Variants in KCNIP4 observed in about 807,000 individuals in gnomAD.
KCNIP4 encodes potassium voltage-gated channel interacting protein 4.
KCNIP4 carries 12 observed loss-of-function variants against 34.0 expected under a neutral mutation model. The ratio of observed to expected loss-of-function variants is 0.35; its 90% CI spans 0.23 to 0.57. KCNIP4 has a LOEUF of 0.57. Ranked by LOEUF, KCNIP4 falls within the 20% of genes least tolerant of loss-of-function variation. The pLI is 0.83. For synonymous variants in KCNIP4, 124 were observed against 102.2 expected, an observed-to-expected ratio of 1.21 and a Z score of -1.29; for missense variants, 238 against 311.7, an observed-to-expected ratio of 0.76 and a Z score of 1.78.
chr4:21,554,866 A>G (rs1738867411), intron 1 of KCNIP4, among the ~76,000 whole-genome samples: 1 of 152,212 alleles, frequency 6.6e-6, no homozygotes, highest in Non-Finnish European at 1.5e-5. Context: ...ACCAGAAACT[A>G]GCACACTGCA....
intron 1 of KCNIP4, among the ~76,000 whole-genome samples, chr4:21,733,784 A>G (rs1427918490): frequency 1.3e-5 from 2 of 152,104 alleles, no homozygotes; most frequent in African/African-American, 4.8e-5. Flanking sequence ...TAAAATGGGG[A>G]CATAAAAAAA....
chr4:20,852,008 C>G (rs190076836), intron 2 of KCNIP4, among the ~76,000 whole-genome samples: 7,922 of 150,200 alleles, frequency 0.053, 302 homozygotes, highest in African/African-American at 0.1. Flanking sequence ...GCATGAGACC[C>G]TGTCTCAAAC....
intron 1 of KCNIP4, among the ~76,000 whole-genome samples, chr4:21,291,891 G>T (rs865877368): frequency 3.3e-5 from 1 of 30,300 alleles, no homozygotes; most frequent in Non-Finnish European, 5.6e-5. Context: ...AAGAAAGAAA[G>T]AAAGAAAGAA....
chr4:21,427,592 C>T (rs1577344266), intron 1 of KCNIP4, among the ~76,000 whole-genome samples: 3 of 152,072 alleles, frequency 2.0e-5, no homozygotes, highest in African/African-American at 4.8e-5. Context: ...AAGGGTAACT[C>T]GAAGGGACTG....
intron 1 of KCNIP4, among the ~76,000 whole-genome samples, chr4:21,295,719 A>G (rs188068941): frequency 6.6e-6 from 1 of 152,278 alleles, no homozygotes; most frequent in East Asian, 1.9e-4. Flanking sequence ...CCCTTTGATA[A>G]ATAACACCCT....
chr4:21,422,036 T>C (rs568618170), intron 1 of KCNIP4, among the ~76,000 whole-genome samples: 1 of 152,306 alleles, frequency 6.6e-6, no homozygotes, highest in East Asian at 1.9e-4. Context: ...CATATCTCTG[T>C]TACAGAAAAA....
At chr4:21,394,677 C>T (rs1722838150) in intron 1 of KCNIP4, among the ~76,000 whole-genome samples, 1 of 152,164 alleles carries the variant, frequency 6.6e-6, no homozygotes, top group African/African-American at 2.4e-5. Flanking sequence ...GATAGAAAGA[C>T]AGTCCTACTC....
chr4:21,929,821 A>C (rs529243280), intron 1 of KCNIP4, among the ~76,000 whole-genome samples: 1 of 152,224 alleles, frequency 6.6e-6, no homozygotes, highest in African/African-American at 2.4e-5. Context: ...TTACTTAACC[A>C]TGCAAAGCAC....
intron 1 of KCNIP4, among the ~76,000 whole-genome samples, chr4:21,655,879 A>G (rs559966464): frequency 5.9e-5 from 9 of 152,218 alleles, no homozygotes; most frequent in Non-Finnish European, 1.2e-4. Context: ...TGGCTCTAAA[A>G]TATCTTGGGC....
At chr4:21,030,505 A>G (rs1022103746) in intron 1 of KCNIP4, among the ~76,000 whole-genome samples, 6 of 152,174 alleles carry the variant, frequency 3.9e-5, no homozygotes, top group African/African-American at 1.4e-4. Flanking sequence ...CCCCACGTCC[A>G]TGGAAAAAGT....
At chr4:21,030,131 CAA>C (rs1426910065) in intron 1 of KCNIP4, among the ~76,000 whole-genome samples, 2 of 152,148 alleles carry the variant, frequency 1.3e-5, no homozygotes, top group African/African-American at 2.4e-5. Context: ...GGCGAGCAAG[CAA>C]AGTTTCTTCT....
intron 1 of KCNIP4, among the ~76,000 whole-genome samples, chr4:20,960,610 C>A (rs1733756733): frequency 6.6e-6 from 1 of 152,284 alleles, no homozygotes; most frequent in South Asian, 2.1e-4. Flanking sequence ...CAAGGCAATC[C>A]CCTCGTCCTG....
intron 1 of KCNIP4, among the ~76,000 whole-genome samples, chr4:21,636,353 C>T (rs2109220784): frequency 6.6e-6 from 1 of 151,178 alleles, no homozygotes; most frequent in Non-Finnish European, 1.5e-5. Flanking sequence ...ATTCAAAGTC[C>T]CTGACAGAAC....
intron 1 of KCNIP4, among the ~76,000 whole-genome samples, chr4:21,704,524 C>G (rs1379000325): frequency 6.6e-6 from 1 of 152,060 alleles, no homozygotes; most frequent in African/African-American, 2.4e-5. Context: ...GTGAAGCACA[C>G]AATTCAATTA....
intron 1 of KCNIP4, among the ~76,000 whole-genome samples, chr4:21,942,598 C>T (rs189362995): frequency 1.3e-5 from 2 of 152,288 alleles, no homozygotes; most frequent in East Asian, 1.9e-4. Flanking sequence ...AAACTCAGTC[C>T]ACTGAATGGA....
intron 3 of KCNIP4, among the ~76,000 whole-genome samples, chr4:20,801,226 A>C (rs1714183167): frequency 6.6e-6 from 1 of 152,010 alleles, no homozygotes; most frequent in South Asian, 2.1e-4. Context: ...TTATCCAGAC[A>C]AGCAAAAGCT....
chr4:21,190,487 G>A (rs1755549063), intron 1 of KCNIP4, among the ~76,000 whole-genome samples: 1 of 115,572 alleles, frequency 8.7e-6, no homozygotes, highest in Non-Finnish European at 1.7e-5. Flanking sequence ...ACCTTTCATT[G>A]TTTCTTTTTG....
In KCNIP4 at chr4:21,816,251, T is replaced by C. The variant is rs2109279671; in HGVS notation, c.61+132320A>G. ...GTTCATAATGCTGTTATACAAAACA[T>C]GATGGCTCTCCAAGATAAAATTAAC... On this transcript the variant is annotated intron_variant, in intron 1 of 8. Transcript: ENST00000382152. Among the ~76,000 whole-genome samples the C allele has an allele frequency of 1.3e-5, 2 of 152,320 alleles. 1 individual carries two copies. The highest frequency in any genetic ancestry group is 4.1e-4 in the South Asian group (2 of 4,828).
chr4:21,406,347 A>T (rs1484942297), intron 1 of KCNIP4, among the ~76,000 whole-genome samples: 1 of 152,200 alleles, frequency 6.6e-6, no homozygotes, highest in Non-Finnish European at 1.5e-5. Context: ...CTAATAGTGC[A>T]AAAGGCATAA....
Sources: allele counts gnomAD v4.1 joint callset (sites outside exome capture counted in the v4.1 genomes callset), GRCh38; gene constraint gnomAD v4.1.1; transcripts MANE v1.5; gene names NCBI Gene and HGNC (gene_info 2026-07-23, HGNC 2026-07-21).